Variants in KIAA0825 observed in about 807,000 individuals in gnomAD.
KIAA0825 encodes the protein KIAA0825.
Under a neutral mutation model 147.6 loss-of-function variants are expected in KIAA0825, and 119 were observed. The observed-to-expected ratio is 0.81, with a 90% CI of 0.69 to 0.94. The LOEUF is 0.94. Ranked by LOEUF, KIAA0825 falls within the 40% of genes least tolerant of loss-of-function variation. The probability of loss-of-function intolerance (pLI) is 0.00; values close to 1 mark genes in which losing one functional copy is unlikely to be tolerated. For missense variants in KIAA0825, 1,381 were observed against 1,472.7 expected (o/e 0.94, Z 1.02); for synonymous variants, 470 against 518.1 (o/e 0.91, Z 1.26).
intron 20 of KIAA0825, among the ~76,000 whole-genome samples, chr5:94,378,926 C>A (rs926411403): frequency 4.6e-5 from 7 of 152,116 alleles, no homozygotes; most frequent in African/African-American, 1.7e-4. Context: ...CTGTTTATGT[C>A]ATTTGCCTAC....
chr5:94,433,294 T>C (rs1434935015), intron 14 of KIAA0825, among the ~76,000 whole-genome samples: 1 of 152,246 alleles, frequency 6.6e-6, no homozygotes, highest in African/African-American at 2.4e-5. Context: ...CCCAAAGTGC[T>C]GGGATTACAG....
intron 20 of KIAA0825, among the ~76,000 whole-genome samples, chr5:94,230,775 G>T (rs1774622771): frequency 6.6e-6 from 1 of 152,132 alleles, no homozygotes; most frequent in African/African-American, 2.4e-5. Flanking sequence ...TGAGCTCAGT[G>T]AAACATTTAG....
Position 94,396,309 on chromosome 5 carries a change from T to C in KIAA0825, c.3088A>G (p.Asn1030Asp). Residue 1030 changes from asparagine to aspartate, a missense_variant, in exon 17 of 21, where the codon AAC (asparagine) becomes GAC (aspartate). Transcript: ENST00000682413. ...VIICRIFEDG[N>D]TVELLTGASL... ...GCACCTGTTAAAAGTTCCACAGTGT[T>C]TCCGTCCTCAAATATCCGACATATA... 1 of 1,550,712 alleles carries C rather than the reference T, an allele frequency of 6.4e-7. No homozygotes were observed. Among genetic ancestry groups the C allele is most frequent in the Non-Finnish European group, 8.7e-7 (1 of 1,146,614 alleles).
Position 94,564,886 on chromosome 5 carries a change from A to C in KIAA0825, c.-2+17547T>G, listed in dbSNP as rs547912712. Among the ~76,000 whole-genome samples, 69 of 150,536 alleles carry C rather than the reference A, an allele frequency of 4.6e-4. 1 individual carries two copies. The South Asian group carries it at 0.011, about 24-fold the overall frequency. On this transcript the variant is annotated intron_variant, in intron 2 of 20. Coordinates refer to ENST00000682413, the MANE Select transcript of KIAA0825 (RefSeq NM_001145678.3). ...CAGCAGTTTTCTAAATCTTTCTTTT[A>C]TTTTCTCTTTTCTTTTCTTTTTTCT...
rs1758614149 is a variant in KIAA0825 at position 94,452,992 on chromosome 5, G to T, written c.2324C>A (p.Ser775Tyr). 3.9e-6 allele frequency: 6 copies of T among 1,530,268 alleles called. No individual in the cohort carries two copies. Among genetic ancestry groups the T allele is most frequent in the Non-Finnish European group, 5.3e-6 (6 of 1,138,664 alleles). 94.8% of individuals were successfully genotyped at this position (1,530,268 alleles called of 1,614,324 possible). Residue 775 changes from serine (S) to tyrosine (Y), a missense_variant, in exon 13 of 21, where the codon TCT becomes TAT. Coordinates refer to ENST00000682413, the MANE Select transcript of KIAA0825 (RefSeq NM_001145678.3). ...SFFKQPLYWVSCISHFYPSLL... is the reference protein window; with the variant it reads ...SFFKQPLYWVYCISHFYPSLL... ...AGAAGGGTAGAAATGTGATATGCAA[G>T]AAACCCAATATAATGGTTGCTTAAA...
intron 18 of KIAA0825, among the ~76,000 whole-genome samples, chr5:94,390,306 T>C (rs928554885): frequency 3.9e-5 from 6 of 152,316 alleles, no homozygotes; most frequent in Middle Eastern, 3.4e-3. Context: ...GTAACCACAC[T>C]GCAACATCTG....
chr5:94,481,738 C>T (rs558154693), intron 6 of KIAA0825, among the ~76,000 whole-genome samples: 1 of 152,168 alleles, frequency 6.6e-6, no homozygotes, highest in Admixed American at 6.5e-5. Context: ...CATTTGACCC[C>T]TCTTAAGACC....
intron 15 of KIAA0825, among the ~76,000 whole-genome samples, chr5:94,405,732 C>T (rs1468288345): frequency 1.3e-5 from 2 of 152,134 alleles, no homozygotes; most frequent in East Asian, 1.9e-4. Flanking sequence ...GTAAGTAGTA[C>T]GGCAACGATG....
chr5:94,242,478 C>T (rs1775396555), intron 20 of KIAA0825, among the ~76,000 whole-genome samples: 1 of 152,202 alleles, frequency 6.6e-6, no homozygotes. Context: ...CCTCAGCCCT[C>T]ATTCTGAAAT....
intron 20 of KIAA0825, among the ~76,000 whole-genome samples, chr5:94,326,284 T>C (rs1194590500): frequency 1.3e-5 from 2 of 152,158 alleles, no homozygotes; most frequent in Non-Finnish European, 2.9e-5. Context: ...CGGCAGAAAT[T>C]CACTCAGCAG....
At chr5:94,578,199 C>A (rs1272423359) in intron 2 of KIAA0825, among the ~76,000 whole-genome samples, 2 of 152,190 alleles carry the variant, frequency 1.3e-5, no homozygotes, top group Non-Finnish European at 2.9e-5. Flanking sequence ...ATGGAAATAA[C>A]AGGTAAGAAC....
chr5:94,177,673 G>A (rs902794239), intron 20 of KIAA0825, among the ~76,000 whole-genome samples: 8 of 152,144 alleles, frequency 5.3e-5, no homozygotes, highest in South Asian at 4.1e-4. Context: ...GAATGGCTGC[G>A]TATTATAATT....
chr5:94,360,278 T>C (rs1027711259), intron 20 of KIAA0825, among the ~76,000 whole-genome samples: 2 of 152,096 alleles, frequency 1.3e-5, no homozygotes, highest in African/African-American at 4.8e-5. Flanking sequence ...CTTGAAGTTG[T>C]ATTTTTCCTG....
chr5:94,257,533 C>T (rs1451712193), intron 20 of KIAA0825, among the ~76,000 whole-genome samples: 1 of 151,948 alleles, frequency 6.6e-6, no homozygotes, highest in African/African-American at 2.4e-5. Context: ...TATTTTACTC[C>T]CAATTGCCCT....
intron 1 of KIAA0825, among the ~76,000 whole-genome samples, chr5:94,609,360 GCTTT>G (rs1379870652): frequency 7.2e-5 from 11 of 152,032 alleles, no homozygotes; most frequent in Admixed American, 6.5e-4. Context: ...GAAAAATATA[GCTTT>G]TTTTTAAAGC....
intron 20 of KIAA0825, among the ~76,000 whole-genome samples, chr5:94,268,616 G>A (rs957625332): frequency 5.3e-5 from 8 of 152,100 alleles, no homozygotes; most frequent in African/African-American, 1.7e-4. Context: ...CCAAATCAAA[G>A]GAGAATCTTT....
At chr5:94,465,158 TAA>T in intron 10 of KIAA0825, 99 bp from the exon 11 acceptor site, 1 of 1,149,874 alleles carries the variant, frequency 8.7e-7, no homozygotes, top group East Asian at 2.6e-5. Context: ...AGGAAATAGC[TAA>T]AGAGTTTGAC....
chr5:94,506,429 A>G (rs1765747493), intron 5 of KIAA0825, among the ~76,000 whole-genome samples: 1 of 152,238 alleles, frequency 6.6e-6, no homozygotes, highest in Non-Finnish European at 1.5e-5. Context: ...TAGAATATGT[A>G]ACAGGAGATG....
chr5:94,370,237 T>C (rs1746487356), intron 20 of KIAA0825, among the ~76,000 whole-genome samples: 2 of 151,800 alleles, frequency 1.3e-5, no homozygotes. Context: ...ATTATAGGGA[T>C]AGAGAACGGG....
Sources: allele counts gnomAD v4.1 joint callset (sites outside exome capture counted in the v4.1 genomes callset), GRCh38; gene constraint gnomAD v4.1.1; transcripts MANE v1.5; gene names NCBI Gene and HGNC (gene_info 2026-07-23, HGNC 2026-07-21).